The following DDX46 variants were observed in gnomAD, a reference collection of about 807,000 sequenced individuals.
The protein encoded by DDX46 is probable ATP-dependent RNA helicase DDX46.
In DDX46, 30 loss-of-function variants were observed where a neutral mutation model predicts 134.9. The ratio of observed to expected loss-of-function variants is 0.22; its 90% CI spans 0.17 to 0.30. The LOEUF (loss-of-function observed/expected upper bound fraction) is 0.30. Among genes scored for constraint, DDX46 ranks in the 10% least tolerant of loss-of-function variants. DDX46 has a pLI of 1.00. For synonymous variants in DDX46, 415 were observed against 404.1 expected, an observed-to-expected ratio of 1.03 and a Z score of -0.32; for missense variants, 622 against 1,248.7, an observed-to-expected ratio of 0.50 and a Z score of 7.56.
intron 15 of DDX46, chr5:134,797,333 C>T (rs571421749): frequency 9.4e-5 from 20 of 212,732 alleles, no homozygotes; most frequent in East Asian, 4.7e-4. Context: ...CTTCAATTTG[C>T]GCAGAGCTCA....
chr5:134,786,898 T>TTTGTTGTTG (rs141573785), intron 11 of DDX46, among the ~76,000 whole-genome samples: 3 of 150,948 alleles, frequency 2.0e-5, no homozygotes, highest in African/African-American at 7.3e-5. Flanking sequence ...TCAGAGGTGT[T>TTTGTTGTTG]TTGTTGTTGT....
chr5:134,802,377 GT>G, intron 15 of DDX46, among the ~76,000 whole-genome samples: 1 of 151,826 alleles, frequency 6.6e-6, no homozygotes, highest in Admixed American at 6.6e-5. Context: ...GGTCAGGCTG[GT>G]CTCGAATTCC....
intron 5 of DDX46, 125 bp downstream of exon 5, chr5:134,773,986 T>G: frequency 9.8e-7 from 1 of 1,016,962 alleles, no homozygotes; most frequent in Non-Finnish European, 1.3e-6. Context: ...GTTTACCATT[T>G]TCATCATTTT....
At chr5:134,795,199 T>G (rs1754614474) in intron 14 of DDX46, among the ~76,000 whole-genome samples, 185 bp downstream of exon 14, 1 of 148,354 alleles carries the variant, frequency 6.7e-6, no homozygotes. Context: ...CTATTTAAAA[T>G]GCTTGTTTTT....
At chr5:134,814,035 TG>T (rs1248459350) in intron 18 of DDX46, among the ~76,000 whole-genome samples, 1 of 152,238 alleles carries the variant, frequency 6.6e-6, no homozygotes, top group Non-Finnish European at 1.5e-5. Context: ...TTTGACATTA[TG>T]GTAGTTTCCT....
chr5:134,769,036 C>T (rs894839691), intron 3 of DDX46, among the ~76,000 whole-genome samples: 7 of 151,960 alleles, frequency 4.6e-5, no homozygotes, highest in African/African-American at 1.4e-4. Flanking sequence ...CCAGCCTGGC[C>T]GACAGAGAGA....
rs778655769 is a variant in DDX46, at chr5:134,777,802, T to C, written c.765+77T>C. ...GTTCTCCATTGCATTGTCCTACTGATTGGCATGACTTTGTAAAGCTAACAG... is the reference window on the plus strand; with the variant it reads ...GTTCTCCATTGCATTGTCCTACTGACTGGCATGACTTTGTAAAGCTAACAG... On this transcript the variant is annotated intron_variant, in intron 6 of 22. Coordinates refer to ENST00000452510, the MANE Select transcript of DDX46 (RefSeq NM_001300860.2). 2.8e-4 allele frequency: 416 copies of C among 1,476,808 alleles called. 3 individuals are homozygous for C. The Middle Eastern group carries it at 0.014, about 48-fold the overall frequency. The allele number at this position is 1,476,808 out of a possible 1,614,324, so 91.5% of individuals were successfully genotyped here. A position where few individuals can be genotyped will look rare whatever the true frequency, so the allele number is the denominator to read the frequency against.
intron 21 of DDX46, among the ~76,000 whole-genome samples, chr5:134,820,861 TTTC>T (rs1473503141): frequency 2.7e-5 from 4 of 147,672 alleles, no homozygotes; most frequent in Non-Finnish European, 4.4e-5. Flanking sequence ...TTTCTTTTCT[TTTC>T]TTTTTTTTTT....
chr5:134,786,338 G>T (rs1754333737), intron 11 of DDX46, among the ~76,000 whole-genome samples: 1 of 152,064 alleles, frequency 6.6e-6, no homozygotes, highest in Non-Finnish European at 1.5e-5. Context: ...GTTAATGCTA[G>T]ATTAGAATTT....
chr5:134,769,765 T>C (rs780255486), intron 3 of DDX46, among the ~76,000 whole-genome samples: 22 of 152,034 alleles, frequency 1.4e-4, no homozygotes, highest in Non-Finnish European at 2.6e-4. Flanking sequence ...CAGGCTGGTC[T>C]AGAACTCCTA....
intron 16 of DDX46, among the ~76,000 whole-genome samples, chr5:134,808,196 A>G (rs1200027114): frequency 2.6e-5 from 4 of 152,190 alleles, no homozygotes; most frequent in African/African-American, 7.2e-5. Context: ...TTTTCCCCTC[A>G]TGCCTAAACG....
At position 134,773,815 on chromosome 5, in the gene DDX46, CGAA is replaced by C; in HGVS notation, c.570_572del (p.Glu191del). On this transcript the variant is annotated inframe_deletion, in exon 5 of 23. Coordinates refer to ENST00000452510, the MANE Select transcript of DDX46 (RefSeq NM_001300860.2). ...ACATAGGAGAACTGAAAAAGGAAAT[CGAA>C]GAGATGAAACAAGGGAAAAAGTGGA... 6.2e-7 allele frequency: 1 copy of C among 1,611,530 alleles called. No individual in the cohort carries two copies. Among genetic ancestry groups the C allele is most frequent in the South Asian group, 1.1e-5 (1 of 90,598 alleles).
intron 15 of DDX46, among the ~76,000 whole-genome samples, chr5:134,798,002 G>T (rs1754718128): frequency 6.6e-6 from 1 of 151,892 alleles, no homozygotes; most frequent in Admixed American, 6.6e-5. Context: ...AGTAGAGACG[G>T]AGTTTCTCCA....
In DDX46 at chr5:134,790,474, G is replaced by A. The variant is rs372447062; in HGVS notation, c.1548G>A (p.Arg516=). ...MIDMLAANSG[R]VTNLRRVTYV... is the part of the protein sequence containing the mutation. ...TTATTTTTCTTTTCATCTTAGGTCG[G>A]GTCACAAATCTTCGAAGAGTGACAT... Residue 516 remains arginine, a synonymous_variant, in exon 13 of 23, where the codon CGG becomes CGA. Transcript: ENST00000452510. 9.3e-6 allele frequency: 15 copies of A among 1,609,376 alleles called. No individual in the cohort carries two copies. The highest frequency in any genetic ancestry group is 2.7e-5 in the African/African-American group (2 of 74,684).
intron 1 of DDX46, among the ~76,000 whole-genome samples, chr5:134,762,593 C>T (rs907404303): frequency 4.6e-5 from 7 of 151,256 alleles, no homozygotes; most frequent in African/African-American, 1.7e-4. Context: ...ACTGGCTGGG[C>T]GTGGTAGTAT....
intron 4 of DDX46, 111 bp from the exon 5 acceptor site, chr5:134,773,585 C>G: frequency 7.9e-7 from 1 of 1,267,948 alleles, no homozygotes; most frequent in Non-Finnish European, 1.1e-6. Context: ...GCCTTTTTTC[C>G]CCTTCTTTAT....
At chr5:134,806,597 G>C (rs1284190785) in intron 15 of DDX46, among the ~76,000 whole-genome samples, 1 of 152,100 alleles carries the variant, frequency 6.6e-6, no homozygotes, top group African/African-American at 2.4e-5. Context: ...TTAGATTCCA[G>C]TTTCTTTGAC....
At chr5:134,760,633 AT>A (rs1561847334) in intron 1 of DDX46, among the ~76,000 whole-genome samples, 1 of 152,232 alleles carries the variant, frequency 6.6e-6, no homozygotes. Flanking sequence ...CTAGGTAGAT[AT>A]GTCTGATATA....
intron 6 of DDX46, among the ~76,000 whole-genome samples, chr5:134,780,510 G>A (rs1754112974): frequency 6.7e-6 from 1 of 149,832 alleles, no homozygotes; most frequent in East Asian, 1.9e-4. Context: ...GTTACAGTGA[G>A]CTGAAATCAT....
Sources: gnomAD v4.1 joint callset for allele counts (sites outside exome capture counted in the v4.1 genomes callset) on GRCh38, gnomAD v4.1.1 for gene constraint, MANE v1.5 for transcripts, NCBI Gene and HGNC (gene_info 2026-07-23, HGNC 2026-07-21) for gene names.